Variants in AK5 observed in about 807,000 individuals in gnomAD.
The protein encoded by AK5 is adenylate kinase 5.
In AK5, 27 loss-of-function variants were observed where a neutral mutation model predicts 69.5. The ratio of observed to expected loss-of-function variants is 0.39; its 90% CI spans 0.29 to 0.54. The LOEUF (loss-of-function observed/expected upper bound fraction) is 0.54. AK5 is among the 20% of genes least tolerant of loss of function. The pLI, the probability that AK5 is intolerant of heterozygous loss-of-function variation, is 0.71. For missense variants in AK5, 531 were observed against 700.4 expected (o/e 0.76, Z 2.73); for synonymous variants, 260 against 244.4 (o/e 1.06, Z -0.60).
chr1:77,476,318 T>C (rs1654933727), intron 8 of AK5, among the ~76,000 whole-genome samples: 1 of 152,206 alleles, frequency 6.6e-6, no homozygotes, highest in Non-Finnish European at 1.5e-5. Flanking sequence ...AAAACATGGT[T>C]TAGAAAAGAA....
Position 77,521,896 on chromosome 1 carries a change from G to C in AK5, c.1381G>C (p.Asp461His). ...CGGGGACACCAGGGGCTTCCTGATT[G>C]ACGGCTATCCTCGGGAGGTGAAGCA... is the stretch of plus-strand genomic sequence containing the variant. ...SLGDTRGFLI[D>H]GYPREVKQGE... Residue 461 changes from aspartate to histidine, a missense_variant, in exon 12 of 14, where the codon GAC (aspartate) becomes CAC (histidine). By Grantham distance (81) the Asp-to-His change is moderately conservative. Coordinates refer to ENST00000354567, the MANE Select transcript of AK5 (RefSeq NM_174858.3). The C allele has an allele frequency of 6.2e-7, 1 of 1,613,616 alleles. No homozygotes were observed. The highest frequency in any genetic ancestry group is 8.5e-7 in the Non-Finnish European group (1 of 1,179,866).
intron 6 of AK5, among the ~76,000 whole-genome samples, chr1:77,400,799 C>T (rs796722910): frequency 2.0e-5 from 3 of 152,172 alleles, no homozygotes; most frequent in African/African-American, 7.2e-5. Context: ...AGATTCTGTA[C>T]AGAAGGCTTA....
chr1:77,335,014 T>C (rs900104666), intron 5 of AK5, among the ~76,000 whole-genome samples: 4 of 152,244 alleles, frequency 2.6e-5, no homozygotes, highest in Admixed American at 1.3e-4. Flanking sequence ...TTCTCTTTTC[T>C]TTAGTACTTT....
intron 13 of AK5, among the ~76,000 whole-genome samples, chr1:77,544,663 T>C (rs1010110888): frequency 2.6e-5 from 4 of 152,158 alleles, no homozygotes; most frequent in Non-Finnish European, 5.9e-5. Flanking sequence ...TCTTGCCCAC[T>C]GGAAGGTCTT....
intron 6 of AK5, among the ~76,000 whole-genome samples, chr1:77,406,487 G>C (rs985576170): frequency 6.6e-6 from 1 of 152,120 alleles, no homozygotes; most frequent in Non-Finnish European, 1.5e-5. Context: ...GGCCTAATCA[G>C]ATATTCAGTG....
intron 12 of AK5, among the ~76,000 whole-genome samples, chr1:77,530,939 T>C (rs1658538026): frequency 6.6e-6 from 1 of 152,060 alleles, no homozygotes; most frequent in Non-Finnish European, 1.5e-5. Flanking sequence ...AAAACCATGA[T>C]CACAGTCCAC....
chr1:77,323,200 C>G (rs1000121255), intron 5 of AK5, among the ~76,000 whole-genome samples: 8 of 152,120 alleles, frequency 5.3e-5, no homozygotes, highest in African/African-American at 1.9e-4. Flanking sequence ...CCATGTTGGC[C>G]GGACTGGTCT....
intron 8 of AK5, among the ~76,000 whole-genome samples, chr1:77,473,545 C>A (rs1654650766): frequency 6.6e-6 from 1 of 152,178 alleles, no homozygotes; most frequent in Admixed American, 6.5e-5. Context: ...AACATTTAGA[C>A]CTTTCTAATT....
At chr1:77,379,323 CATT>C (rs1647463277) in intron 6 of AK5, among the ~76,000 whole-genome samples, 1 of 152,214 alleles carries the variant, frequency 6.6e-6, no homozygotes, top group Non-Finnish European at 1.5e-5. Context: ...TAATCATCAT[CATT>C]ATCGCAGATC....
At chr1:77,346,420 A>T (rs777993354) in intron 6 of AK5, among the ~76,000 whole-genome samples, 4 of 152,244 alleles carry the variant, frequency 2.6e-5, no homozygotes, top group Non-Finnish European at 4.4e-5. Flanking sequence ...ACGTACAGCC[A>T]TTGGTTAATT....
At chr1:77,372,467 A>G (rs1647138176) in intron 6 of AK5, among the ~76,000 whole-genome samples, 1 of 152,214 alleles carries the variant, frequency 6.6e-6, no homozygotes, top group African/African-American at 2.4e-5. Context: ...CATCTTCAAC[A>G]AACTAGGCTT....
In AK5 at chr1:77,531,308, G is replaced by C. The variant is rs148549378; in HGVS notation, c.1429-4539G>C. Among the ~76,000 whole-genome samples, 466 of 152,300 alleles carry C rather than the reference G, an allele frequency of 3.1e-3. 2 individuals carry two copies. Among genetic ancestry groups the C allele is most frequent in the African/African-American group, 9.6e-3 (401 of 41,566 alleles). On this transcript the variant is annotated intron_variant, in intron 12 of 13. Transcript: ENST00000354567. ...AGAACAAAGCTTCCACAGTGTGGAC[G>C]GGGACCCCAGCGGGTTGCCACTGCA...
At chr1:77,463,182 C>T (rs74092659) in intron 8 of AK5, among the ~76,000 whole-genome samples, 5,018 of 152,256 alleles carry the variant, frequency 0.033, 227 homozygotes, top group East Asian at 0.19. Context: ...CCAACTCCTC[C>T]CTGACTGACT....
chr1:77,329,066 C>T (rs1184255432), intron 5 of AK5, among the ~76,000 whole-genome samples: 2 of 151,812 alleles, frequency 1.3e-5, no homozygotes, highest in African/African-American at 4.8e-5. Context: ...AATAGAATGG[C>T]AACTAAATTG....
At chr1:77,456,921 T>TA (rs35087048) in intron 8 of AK5, among the ~76,000 whole-genome samples, 36,259 of 143,702 alleles carry the variant, frequency 0.25, 4,824 homozygotes, top group South Asian at 0.4. Flanking sequence ...GTAGTTTCCT[T>TA]AAAAAAAAAA....
At chr1:77,552,043 C>A (rs911727443) in intron 13 of AK5, among the ~76,000 whole-genome samples, 2 of 152,118 alleles carry the variant, frequency 1.3e-5, no homozygotes, top group South Asian at 4.1e-4. Context: ...CCAGTTTTAG[C>A]AAAGAACTCT....
At chr1:77,303,821 G>A (rs559361751) in intron 5 of AK5, among the ~76,000 whole-genome samples, 32 of 152,328 alleles carry the variant, frequency 2.1e-4, no homozygotes, top group African/African-American at 7.5e-4. Flanking sequence ...GGGGAAGAGA[G>A]TGCAGAGGAT....
chr1:77,450,755 T>C (rs1570155393), intron 8 of AK5, among the ~76,000 whole-genome samples: 1 of 152,222 alleles, frequency 6.6e-6, no homozygotes, highest in South Asian at 2.1e-4. Flanking sequence ...GTTTGTAAAA[T>C]GAGCAAGTTA....
At chr1:77,399,515 G>C (rs1649055484) in intron 6 of AK5, among the ~76,000 whole-genome samples, 1 of 152,160 alleles carries the variant, frequency 6.6e-6, no homozygotes, top group Admixed American at 6.5e-5. Context: ...AAAGGGGATA[G>C]GGGGCCAAAG....
Sources: gnomAD v4.1 joint callset for allele counts (sites outside exome capture counted in the v4.1 genomes callset) on GRCh38, gnomAD v4.1.1 for gene constraint, MANE v1.5 for transcripts, NCBI Gene and HGNC (gene_info 2026-07-23, HGNC 2026-07-21) for gene names.